Variants in NTM observed in about 807,000 individuals in gnomAD.
The protein encoded by NTM is neurotrimin.
A neutral mutation model predicts 42.1 loss-of-function variants in NTM; 13 were observed. The ratio of observed to expected loss-of-function variants is 0.31; its 90% CI spans 0.20 to 0.49. NTM has a LOEUF of 0.49. NTM is among the 20% of genes least tolerant of loss of function. The pLI is 0.99. For synonymous variants in NTM, 187 were observed against 179.2 expected (o/e 1.04, Z -0.35); for missense variants, 373 against 452.8 (o/e 0.82, Z 1.60).
At chr11:132,169,320 CTTTTTTTTTTTTTTTTT>C (rs567723794) in intron 3 of NTM, among the ~76,000 whole-genome samples, 62 of 32,376 alleles carry the variant, frequency 1.9e-3, no homozygotes, top group Admixed American at 2.6e-3. Flanking sequence ...AATTTTTTTA[CTTTTTTTTTTTTTTTTT>C]TTTTTTTTTT....
chr11:132,326,064 G>A (rs1012030951), intron 7 of NTM, among the ~76,000 whole-genome samples: 3 of 152,032 alleles, frequency 2.0e-5, no homozygotes, highest in Non-Finnish European at 4.4e-5. Context: ...TATACCTAAT[G>A]CTAAATGACG....
At chr11:131,955,627 C>T (rs2134419608) in intron 2 of NTM, among the ~76,000 whole-genome samples, 1 of 152,230 alleles carries the variant, frequency 6.6e-6, no homozygotes, top group South Asian at 2.1e-4. Context: ...GCCGACTTTC[C>T]TAAGGTAAGA....
At chr11:132,029,072 TTG>T (rs1270928033) in intron 2 of NTM, among the ~76,000 whole-genome samples, 12 of 136,698 alleles carry the variant, frequency 8.8e-5, no homozygotes, top group African/African-American at 2.5e-4. Context: ...GTTTTTTTTT[TTG>T]TTTTGTTTTG....
intron 1 of NTM, among the ~76,000 whole-genome samples, chr11:131,477,956 C>T (rs1293646338): frequency 6.6e-6 from 1 of 151,956 alleles, no homozygotes; most frequent in African/African-American, 2.4e-5. Context: ...CTTCCATTCC[C>T]TTGGGTTACA....
At position 131,789,636 on chromosome 11, in the gene NTM, A is replaced by AGGAGAAGGAGAAGGAGAAGGAGAAG. The variant is rs1555127949; in HGVS notation, c.83-121928_83-121927insGGAGAAGGAGAAGGAGAAGGAGAAG. ...AAGAAGAAGAAGAAGAAGAAGAAGA[A>AGGAGAAGGAGAAGGAGAAGGAGAAG]AAGAAGAAGAAGAAGAAGAAGAAGA... On this transcript the variant is annotated intron_variant, in intron 1 of 8. Coordinates refer to ENST00000683400, the MANE Select transcript of NTM (RefSeq NM_001352005.2). Among the ~76,000 whole-genome samples, 2 of 30,900 alleles carry AGGAGAAGGAGAAGGAGAAGGAGAAG rather than the reference A, an allele frequency of 6.5e-5. 1 individual carries two copies. The highest frequency in any genetic ancestry group is 1.5e-4 in the Non-Finnish European group (2 of 13,764). The allele number at this position is 30,900 out of a possible 152,430, so 20.3% of individuals were successfully genotyped here.
intron 1 of NTM, among the ~76,000 whole-genome samples, chr11:131,383,883 C>T (rs747007462): frequency 5.3e-5 from 8 of 152,048 alleles, no homozygotes; most frequent in South Asian, 4.2e-4. Flanking sequence ...TCCTAAGGGA[C>T]GTTGCAACCA....
intron 2 of NTM, among the ~76,000 whole-genome samples, chr11:132,143,892 G>A (rs1204479501): frequency 6.6e-6 from 1 of 152,096 alleles, no homozygotes; most frequent in Non-Finnish European, 1.5e-5. Flanking sequence ...AGTAAGAGAG[G>A]TGCACCCTCT....
intron 1 of NTM, among the ~76,000 whole-genome samples, chr11:131,576,817 C>G (rs2137138688): frequency 6.6e-6 from 1 of 152,310 alleles, no homozygotes; most frequent in South Asian, 2.1e-4. Context: ...TGAATCTTGG[C>G]TCTGTCAGTT....
At chr11:131,503,461 G>A (rs529854326) in intron 1 of NTM, among the ~76,000 whole-genome samples, 1 of 152,224 alleles carries the variant, frequency 6.6e-6, no homozygotes, top group South Asian at 2.1e-4. Flanking sequence ...AAGGAGAGCA[G>A]GTGCACCAGG....
intron 1 of NTM, among the ~76,000 whole-genome samples, chr11:131,569,270 G>C (rs1233793226): frequency 6.6e-6 from 1 of 151,620 alleles, no homozygotes; most frequent in Non-Finnish European, 1.5e-5. Context: ...TCAGCCTCCT[G>C]AGTAGCTGAG....
intron 2 of NTM, among the ~76,000 whole-genome samples, chr11:132,084,533 G>A (rs867039275): frequency 1.1e-4 from 17 of 152,116 alleles, no homozygotes; most frequent in Admixed American, 4.6e-4. Context: ...GTTCAAGAAA[G>A]ACAACCTTGA....
chr11:132,312,890 A>C (rs2095320824), intron 6 of NTM: 1 of 152,634 alleles, frequency 6.6e-6, no homozygotes, highest in African/African-American at 2.4e-5. Flanking sequence ...CCATTTGGAC[A>C]GTGCTAGCAT....
At chr11:131,901,726 AC>A (rs1424040599) in intron 1 of NTM, among the ~76,000 whole-genome samples, 1 of 152,176 alleles carries the variant, frequency 6.6e-6, no homozygotes, top group Non-Finnish European at 1.5e-5. Context: ...CCTTGTCAAA[AC>A]TGTTGTGAAA....
chr11:131,494,359 A>G (rs1955117190), intron 1 of NTM, among the ~76,000 whole-genome samples: 1 of 152,222 alleles, frequency 6.6e-6, no homozygotes, highest in Admixed American at 6.5e-5. Flanking sequence ...ACAATAGAGT[A>G]CGGTAGGAAC....
chr11:132,084,089 T>C (rs1418415686), intron 2 of NTM, among the ~76,000 whole-genome samples: 1 of 152,170 alleles, frequency 6.6e-6, no homozygotes, highest in African/African-American at 2.4e-5. Flanking sequence ...TCATAAGTCC[T>C]GTATGTTTTT....
chr11:131,862,016 C>T (rs192133136), intron 1 of NTM, among the ~76,000 whole-genome samples: 157 of 152,262 alleles, frequency 1.0e-3, no homozygotes, highest in African/African-American at 2.4e-3. Flanking sequence ...GCTCTTAGTG[C>T]GGTCTCAAGG....
intron 2 of NTM, among the ~76,000 whole-genome samples, chr11:132,009,134 C>G (rs2071501634): frequency 6.6e-6 from 1 of 152,184 alleles, no homozygotes; most frequent in Non-Finnish European, 1.5e-5. Context: ...AGAAGTCTCC[C>G]TGTCTTTTGT....
chr11:131,839,878 T>C (rs2044006156), intron 1 of NTM, among the ~76,000 whole-genome samples: 1 of 152,212 alleles, frequency 6.6e-6, no homozygotes, highest in East Asian at 1.9e-4. Flanking sequence ...TTTCTAGATG[T>C]ATTTCCAAGG....
chr11:131,428,880 C>CAAAAAAAA (rs35312475), intron 1 of NTM, among the ~76,000 whole-genome samples: 192 of 83,966 alleles, frequency 2.3e-3, no homozygotes, highest in Middle Eastern at 7.8e-3. Flanking sequence ...ACTAAAAATA[C>CAAAAAAAA]AAAAAAAAAA....
Sources: gnomAD v4.1 joint callset for allele counts (sites outside exome capture counted in the v4.1 genomes callset) on GRCh38, gnomAD v4.1.1 for gene constraint, MANE v1.5 for transcripts, NCBI Gene and HGNC (gene_info 2026-07-23, HGNC 2026-07-21) for gene names.